ST6GALNAC3: variants seen among roughly 807,000 people sequenced by gnomAD.
ST6GALNAC3 encodes the protein ST6 N-acetylgalactosaminide alpha-2,6-sialyltransferase 3, also known as alpha-N-acetylgalactosaminide alpha-2,6-sialyltransferase 3.
ST6GALNAC3 carries 25 observed loss-of-function variants against 32.7 expected under a neutral mutation model. The ratio of observed to expected loss-of-function variants is 0.76; its 90% confidence interval spans 0.56 to 1.07. ST6GALNAC3 has a LOEUF of 1.07. ST6GALNAC3 is among the 50% of genes least tolerant of loss of function. ST6GALNAC3 has a pLI of 0.00. For synonymous variants in ST6GALNAC3, 129 were observed against 133.1 expected, an observed-to-expected ratio of 0.97 and a Z score of 0.21; for missense variants, 355 against 382.4, an observed-to-expected ratio of 0.93 and a Z score of 0.60.
chr1:76,416,876 T>C (rs904086697), intron 3 of ST6GALNAC3, among the ~76,000 whole-genome samples: 1 of 152,068 alleles, frequency 6.6e-6, no homozygotes, highest in African/African-American at 2.4e-5. Context: ...GCCATCTTCC[T>C]TAGGCTCCCA....
chr1:76,271,374 G>A (rs192460022), intron 1 of ST6GALNAC3, among the ~76,000 whole-genome samples: 89 of 152,292 alleles, frequency 5.8e-4, no homozygotes, highest in Non-Finnish European at 5.6e-4. Flanking sequence ...TTATTGATAA[G>A]TTCATAATTA....
At chr1:76,146,159 G>T (rs946008673) in intron 1 of ST6GALNAC3, among the ~76,000 whole-genome samples, 1 of 152,142 alleles carries the variant, frequency 6.6e-6, no homozygotes, top group East Asian at 1.9e-4. Context: ...TGTTCTTTAC[G>T]TTCCCAGACT....
intron 1 of ST6GALNAC3, among the ~76,000 whole-genome samples, chr1:76,163,341 G>A (rs949462274): frequency 1.3e-5 from 2 of 152,222 alleles, no homozygotes; most frequent in Non-Finnish European, 2.9e-5. Context: ...TGAGTCCACA[G>A]TGATTAACAA....
chr1:76,481,132 A>G (rs185550801), intron 3 of ST6GALNAC3, among the ~76,000 whole-genome samples: 5 of 152,204 alleles, frequency 3.3e-5, no homozygotes, highest in East Asian at 3.9e-4. Context: ...ACATTTGGCC[A>G]TAGTGTCATT....
At chr1:76,236,353 GAAT>G (rs1656659034) in intron 1 of ST6GALNAC3, among the ~76,000 whole-genome samples, 1 of 152,182 alleles carries the variant, frequency 6.6e-6, no homozygotes, top group South Asian at 2.1e-4. Context: ...AGTTTTGGAA[GAAT>G]ACAATTCAAC....
At chr1:76,479,131 A>T (rs1358447711) in intron 3 of ST6GALNAC3, among the ~76,000 whole-genome samples, 1 of 152,254 alleles carries the variant, frequency 6.6e-6, no homozygotes, top group African/African-American at 2.4e-5. Flanking sequence ...GAGACATGTA[A>T]CAGAACTAAA....
chr1:76,564,686 C>T (rs545715112), intron 3 of ST6GALNAC3, among the ~76,000 whole-genome samples: 19 of 151,070 alleles, frequency 1.3e-4, no homozygotes, highest in African/African-American at 4.6e-4. Context: ...CCCGGGTTCA[C>T]GCCATTCTCC....
intron 3 of ST6GALNAC3, among the ~76,000 whole-genome samples, chr1:76,539,533 A>T (rs1338648891): frequency 1.3e-5 from 2 of 152,192 alleles, no homozygotes; most frequent in African/African-American, 4.8e-5. Context: ...AATTAAACTA[A>T]AGAGCTTCTG....
intron 2 of ST6GALNAC3, among the ~76,000 whole-genome samples, chr1:76,355,493 G>T (rs1169693813): frequency 6.6e-6 from 1 of 152,038 alleles, no homozygotes; most frequent in Non-Finnish European, 1.5e-5. Context: ...CTCTACCAAC[G>T]AAGAAAATGT....
chr1:76,117,691 A>T (rs1648572830), intron 1 of ST6GALNAC3, among the ~76,000 whole-genome samples: 3 of 152,220 alleles, frequency 2.0e-5, no homozygotes, highest in Admixed American at 2.0e-4. Context: ...AAGATGGGCA[A>T]ATTAAAGACA....
chr1:76,364,713 A>G (rs1366294035), intron 2 of ST6GALNAC3, among the ~76,000 whole-genome samples: 1 of 152,200 alleles, frequency 6.6e-6, no homozygotes, highest in African/African-American at 2.4e-5. Flanking sequence ...ACAAGTGGCC[A>G]AGAAACATAT....
At chr1:76,427,886 A>G (rs1194479255) in intron 3 of ST6GALNAC3, among the ~76,000 whole-genome samples, 1 of 152,094 alleles carries the variant, frequency 6.6e-6, no homozygotes, top group Non-Finnish European at 1.5e-5. Flanking sequence ...TAAGTAACCA[A>G]CCAGGTGTGT....
intron 1 of ST6GALNAC3, among the ~76,000 whole-genome samples, chr1:76,250,141 G>A (rs960650368): frequency 6.6e-6 from 1 of 151,988 alleles, no homozygotes; most frequent in African/African-American, 2.4e-5. Context: ...TGTGTCACTT[G>A]TACTTTGGGT....
Position 76,578,591 on chromosome 1 carries a change from A to G in ST6GALNAC3, c.624-48861A>G, listed in dbSNP as rs558194615. 7.9e-5 allele frequency among the ~76,000 whole-genome samples: 12 copies of G among 152,122 alleles called. No homozygotes were observed. The South Asian group carries it at 2.5e-3, about 31-fold the overall frequency. ...GCCCTAGGAAACTGGGAGCTGCTCT[A>G]AAATATGGAATTTCTAAGTCGAGTG... is the stretch of plus-strand genomic sequence containing the variant. On this transcript the variant is annotated intron_variant, in intron 3 of 4. Transcript: ENST00000328299.
At chr1:76,105,081 A>G (rs1386473660) in intron 1 of ST6GALNAC3, among the ~76,000 whole-genome samples, 1 of 152,224 alleles carries the variant, frequency 6.6e-6, no homozygotes, top group East Asian at 1.9e-4. Context: ...CAGAAGCAGT[A>G]GTCTCTCTGA....
At chr1:76,354,415 T>G (rs1170618625) in intron 2 of ST6GALNAC3, among the ~76,000 whole-genome samples, 1 of 152,232 alleles carries the variant, frequency 6.6e-6, no homozygotes, top group African/African-American at 2.4e-5. Flanking sequence ...TCATTCACAA[T>G]GCACATGTTC....
chr1:76,198,342 T>C (rs764325602), intron 1 of ST6GALNAC3, among the ~76,000 whole-genome samples: 5 of 152,198 alleles, frequency 3.3e-5, no homozygotes, highest in Admixed American at 6.5e-5. Flanking sequence ...GGCTTTGTCT[T>C]TATGTTGAGA....
At chr1:76,389,411 G>T (rs931124956) in intron 2 of ST6GALNAC3, among the ~76,000 whole-genome samples, 11 of 152,166 alleles carry the variant, frequency 7.2e-5, no homozygotes, top group African/African-American at 2.7e-4. Context: ...TGGAACAGAA[G>T]CCTTGTTGAT....
At chr1:76,181,956 C>T (rs542779493) in intron 1 of ST6GALNAC3, among the ~76,000 whole-genome samples, 125 of 152,170 alleles carry the variant, frequency 8.2e-4, no homozygotes, top group Non-Finnish European at 1.6e-3. Context: ...CTCAGAAATT[C>T]GAATTAGGAT....
Sources: allele counts gnomAD v4.1 joint callset (sites outside exome capture counted in the v4.1 genomes callset), GRCh38; gene constraint gnomAD v4.1.1; transcripts MANE v1.5; gene names NCBI Gene and HGNC (gene_info 2026-07-23, HGNC 2026-07-21).